The following SRGAP3 variants were observed in gnomAD, a reference collection of about 807,000 sequenced individuals.
The protein encoded by SRGAP3 is SLIT-ROBO Rho GTPase-activating protein 3.
A neutral mutation model predicts 121.1 loss-of-function variants in SRGAP3; 39 were observed. The ratio of observed to expected loss-of-function variants is 0.32; its 90% CI spans 0.25 to 0.42. The LOEUF (loss-of-function observed/expected upper bound fraction) is 0.42. Ranked by LOEUF, SRGAP3 falls within the 10% of genes least tolerant of loss-of-function variation. SRGAP3 has a pLI of 1.00. For missense variants in SRGAP3, 1,213 were observed against 1,470.6 expected (o/e 0.82, Z 2.86); for synonymous variants, 601 against 570.0 (o/e 1.05, Z -0.77).
intron 12 of SRGAP3, 61 bp downstream of exon 12, chr3:9,032,589 C>T (rs905442630): frequency 7.5e-6 from 11 of 1,466,060 alleles, no homozygotes; most frequent in African/African-American, 2.8e-5. Flanking sequence ...GGGAGGCGGG[C>T]GGACAGAGGC....
intron 3 of SRGAP3, among the ~76,000 whole-genome samples, chr3:9,263,605 TAAAC>T (rs1464524288): frequency 6.6e-6 from 1 of 152,046 alleles, no homozygotes; most frequent in African/African-American, 2.4e-5. Flanking sequence ...TCTATGCAAA[TAAAC>T]TAGAAAATCT....
intron 1 of SRGAP3, among the ~76,000 whole-genome samples, chr3:9,144,892 T>G (rs1949973663): frequency 6.6e-6 from 1 of 152,204 alleles, no homozygotes; most frequent in Non-Finnish European, 1.5e-5. Context: ...GAGCATTAAA[T>G]GAGATAATGC....
intron 4 of SRGAP3, among the ~76,000 whole-genome samples, chr3:9,072,977 C>A (rs1946790998): frequency 6.6e-6 from 1 of 152,230 alleles, no homozygotes; most frequent in African/African-American, 2.4e-5. Context: ...ATCTTCAAAG[C>A]TTCTCGCCTG....
In SRGAP3 at chr3:9,263,951, T is replaced by C. The variant is rs144697794; in HGVS notation, n.442+62059A>G. Among the ~76,000 whole-genome samples, 433 of 152,262 alleles carry C rather than the reference T, an allele frequency of 2.8e-3. 1 individual carries two copies. Among genetic ancestry groups the C allele is most frequent in the African/African-American group, 9.8e-3 (406 of 41,560 alleles). On this transcript the variant is annotated intron_variant and non_coding_transcript_variant, in intron 3 of 3. Transcript: ENST00000490889. Reference sequence around the variant, plus strand: ...ATTTCAGGCCAATATCCCTGATGAATATAGATGCAAAAATCCTCAATAAAA... The same window carrying C: ...ATTTCAGGCCAATATCCCTGATGAACATAGATGCAAAAATCCTCAATAAAA...
intron 1 of SRGAP3, among the ~76,000 whole-genome samples, chr3:9,223,118 C>T (rs1176965609): frequency 6.6e-6 from 1 of 152,178 alleles, no homozygotes; most frequent in Non-Finnish European, 1.5e-5. Context: ...CAGCAAACTA[C>T]AGCCCATGAG....
Position 8,994,536 on chromosome 3 carries a change from C to A in SRGAP3, c.2228-13G>T. ...ATCTGCTCCACTTCTGGAAGGAAATCAAGGGAAAAAGCGTCTCTGAGGTCA... is the reference window on the plus strand; with the variant it reads ...ATCTGCTCCACTTCTGGAAGGAAATAAAGGGAAAAAGCGTCTCTGAGGTCA... On this transcript the variant is annotated splice_polypyrimidine_tract_variant and intron_variant, in intron 18 of 21. Transcript: ENST00000383836. 6.2e-7 allele frequency: 1 copy of A among 1,612,414 alleles called. No homozygotes were observed. The highest frequency in any genetic ancestry group is 8.5e-7 in the Non-Finnish European group (1 of 1,179,880).
Position 9,032,610 on chromosome 3 carries a change from T to C in SRGAP3, c.1539+40A>G, listed in dbSNP as rs564626554. ...CGGGCGGACAGAGGCTGCCATTACA[T>C]TGGGTGCATTCGCGGACTCCACGGC... On this transcript the variant is annotated intron_variant, in intron 12 of 21. Coordinates refer to ENST00000383836, the MANE Select transcript of SRGAP3 (RefSeq NM_014850.4). 1.2e-5 allele frequency: 19 copies of C among 1,574,488 alleles called. 1 individual carries two copies. The Admixed American group carries it at 2.0e-4, about 17-fold the overall frequency.
At chr3:9,141,372 A>G (rs1949840218) in intron 1 of SRGAP3, among the ~76,000 whole-genome samples, 1 of 152,164 alleles carries the variant, frequency 6.6e-6, no homozygotes, top group African/African-American at 2.4e-5. Context: ...ATGCCGCCCA[A>G]ATATTTTATG....
intron 1 of SRGAP3, among the ~76,000 whole-genome samples, chr3:9,131,071 C>A (rs1949426886): frequency 6.6e-6 from 1 of 152,256 alleles, no homozygotes; most frequent in African/African-American, 2.4e-5. Context: ...CATTTGATTA[C>A]CCATCTCATT....
rs745907569 is a variant in SRGAP3, at chr3:9,013,524, T to C, written c.1931A>G (p.Tyr644Cys). The change falls in exon 17 of 22, where the codon TAT becomes TGT. Residue 644 changes from tyrosine (Y) to cysteine (C), a missense_variant. Transcript: ENST00000383836. ...LFAFLNHLSQ[Y>C]SDENMMDPYN... ...GGGATCCATCATGTTCTCGTCGCTA[T>C]ACTGGGAGAGGCTAGGAGAGAGGAG... is the stretch of plus-strand genomic sequence containing the variant. 1 of 1,614,118 alleles carries C rather than the reference T, an allele frequency of 6.2e-7. No individual in the cohort carries two copies. Among genetic ancestry groups the C allele is most frequent in the Non-Finnish European group, 8.5e-7 (1 of 1,180,006 alleles).
At chr3:9,195,947 C>A (rs1380185680) in intron 1 of SRGAP3, among the ~76,000 whole-genome samples, 1 of 152,072 alleles carries the variant, frequency 6.6e-6, no homozygotes. Context: ...TAGAGCAAGA[C>A]CCTGTCTCCA....
At chr3:9,103,276 C>A (rs1299548077) in intron 3 of SRGAP3, among the ~76,000 whole-genome samples, 26 of 152,294 alleles carry the variant, frequency 1.7e-4, no homozygotes, top group Non-Finnish European at 1.6e-4. Context: ...GATCACCAAA[C>A]CCCTGAAACT....
Position 8,994,336 on chromosome 3 carries a change from C to T in SRGAP3, c.2408+7G>A, listed in dbSNP as rs375118144. 10 of 1,613,908 alleles carry T rather than the reference C, an allele frequency of 6.2e-6. No individual in the cohort carries two copies. In the African/African-American group the frequency reaches 1.2e-4, roughly 19 times the overall value. On this transcript the variant is annotated splice_region_variant and intron_variant, in intron 19 of 21. Coordinates refer to ENST00000383836, the MANE Select transcript of SRGAP3 (RefSeq NM_014850.4). ...GCATTCTTCACAGAATTCTCGACTC[C>T]ACTCACATGTCCTGTACAACTATGT...
chr3:9,269,464 C>T (rs1045855203), intron 3 of SRGAP3, among the ~76,000 whole-genome samples: 1 of 152,228 alleles, frequency 6.6e-6, no homozygotes, highest in African/African-American at 2.4e-5. Context: ...GTCCACCCAC[C>T]TAGACTCCTC....
chr3:9,057,477 G>C (rs1374759386), intron 7 of SRGAP3, among the ~76,000 whole-genome samples: 1 of 152,370 alleles, frequency 6.6e-6, no homozygotes, highest in East Asian at 1.9e-4. Flanking sequence ...GTGCAGCCCT[G>C]CAGAAGTAAG....
chr3:9,195,913 A>G (rs1449165120), intron 1 of SRGAP3, among the ~76,000 whole-genome samples: 1 of 152,174 alleles, frequency 6.6e-6, no homozygotes. Context: ...CCATGATCAC[A>G]CCATTGCACT....
intron 3 of SRGAP3, among the ~76,000 whole-genome samples, chr3:9,300,370 C>CCACCT (rs1955036204): frequency 6.6e-6 from 1 of 151,466 alleles, no homozygotes; most frequent in South Asian, 2.1e-4. Flanking sequence ...TGTCCTTTAC[C>CCACCT]CACCTTGCCT....
rs1268288265 is a variant in SRGAP3 at position 9,060,457 on chromosome 3, T to A, written c.673-98A>T. The A allele has an allele frequency of 5.0e-6, 6 of 1,201,078 alleles. No homozygotes were observed. In the African/African-American group the frequency reaches 1.3e-4, roughly 25 times the overall value. The allele number at this position is 1,201,078 out of a possible 1,614,324, so 74.4% of individuals were successfully genotyped here. A position where few individuals can be genotyped will look rare whatever the true frequency, so the allele number is the denominator to read the frequency against. On this transcript the variant is annotated intron_variant, in intron 5 of 21. Transcript: ENST00000383836. ...TTTTTTTTTTTTTGAGACAGGGTGT[T>A]GCTCTGTCACCCAGGTGAGAGTGCA...
chr3:9,302,311 G>A (rs1257220695), intron 3 of SRGAP3, among the ~76,000 whole-genome samples: 1 of 152,100 alleles, frequency 6.6e-6, no homozygotes, highest in East Asian at 1.9e-4. Context: ...GTGCGTCCCT[G>A]GGTATCCCCC....
Sources: allele counts gnomAD v4.1 joint callset (sites outside exome capture counted in the v4.1 genomes callset), GRCh38; gene constraint gnomAD v4.1.1; transcripts MANE v1.5; gene names NCBI Gene and HGNC (gene_info 2026-07-23, HGNC 2026-07-21).